PTPRN2: variants seen among roughly 807,000 people sequenced by gnomAD.
PTPRN2 encodes protein tyrosine phosphatase receptor type N2.
In PTPRN2, 74 loss-of-function variants were observed where a neutral mutation model predicts 118.8. The ratio of observed to expected loss-of-function variants is 0.62; its 90% CI spans 0.52 to 0.76. The LOEUF is 0.76. Ranked by LOEUF, PTPRN2 falls within the 30% of genes least tolerant of loss-of-function variation. PTPRN2 has a pLI of 0.00. For missense variants in PTPRN2, 1,481 were observed against 1,394.4 expected, an observed-to-expected ratio of 1.06 and a Z score of -0.99; for synonymous variants, 641 against 608.0, an observed-to-expected ratio of 1.05 and a Z score of -0.80.
At chr7:158,278,936 A>G (rs1165156325) in intron 3 of PTPRN2, among the ~76,000 whole-genome samples, 1 of 151,926 alleles carries the variant, frequency 6.6e-6, no homozygotes, top group East Asian at 1.9e-4. Context: ...GGAGTTGTTC[A>G]TTCCTCGTGG....
At chr7:158,233,658 C>T (rs1385884782) in intron 3 of PTPRN2, among the ~76,000 whole-genome samples, 1 of 152,042 alleles carries the variant, frequency 6.6e-6, no homozygotes, top group African/African-American at 2.4e-5. Flanking sequence ...ACCCCAAATA[C>T]CCAAAGCAAT....
chr7:158,146,729 A>AC, intron 6 of PTPRN2, among the ~76,000 whole-genome samples: 1 of 151,668 alleles, frequency 6.6e-6, no homozygotes, highest in South Asian at 2.1e-4. Flanking sequence ...TCAAAAAAAA[A>AC]AAAAAAGAAA....
intron 11 of PTPRN2, among the ~76,000 whole-genome samples, chr7:157,995,972 C>T (rs1012832856): frequency 5.3e-5 from 8 of 152,294 alleles, no homozygotes; most frequent in Non-Finnish European, 1.0e-4. Flanking sequence ...CTGTCTGTTG[C>T]GCACAATGGA....
Position 158,258,465 on chromosome 7 carries a change from C to T in PTPRN2, c.278-53192G>A, listed in dbSNP as rs1009034993. ...TCGCCGCGAGACGACCCTGTGAGTACGCACTCCATGTGCATGTGCTTCTCC... is the reference window on the plus strand; with the variant it reads ...TCGCCGCGAGACGACCCTGTGAGTATGCACTCCATGTGCATGTGCTTCTCC... On this transcript the variant is annotated intron_variant, in intron 3 of 22. Transcript: ENST00000389418. 1.6e-4 allele frequency among the ~76,000 whole-genome samples: 25 copies of T among 152,232 alleles called. 1 individual carries two copies. Among genetic ancestry groups the T allele is most frequent in the Non-Finnish European group, 2.9e-4 (20 of 68,040 alleles).
At chr7:158,413,992 T>C (rs908716112) in intron 2 of PTPRN2, among the ~76,000 whole-genome samples, 23 of 142,532 alleles carry the variant, frequency 1.6e-4, no homozygotes, top group African/African-American at 5.8e-4. Flanking sequence ...CACTTGAACC[T>C]GGGAGGCGGA....
chr7:158,478,806 A>T (rs1820451854), intron 2 of PTPRN2, among the ~76,000 whole-genome samples: 2 of 152,178 alleles, frequency 1.3e-5, no homozygotes, highest in Admixed American at 1.3e-4. Flanking sequence ...TGTGTGGCAG[A>T]CACGTTCATA....
intron 14 of PTPRN2, among the ~76,000 whole-genome samples, chr7:157,633,825 C>A (rs935265787): frequency 3.3e-5 from 5 of 152,208 alleles, no homozygotes; most frequent in African/African-American, 1.2e-4. Context: ...TGTTGGCCTG[C>A]AAGGACTCAG....
rs924976595 is a variant in PTPRN2, at chr7:157,611,828, C to T, written c.2345-7753G>A. 7.6e-5 allele frequency among the ~76,000 whole-genome samples: 11 copies of T among 144,908 alleles called. No homozygotes were observed. The highest frequency in any genetic ancestry group is 1.4e-4 in the Non-Finnish European group (9 of 65,874). On this transcript the variant is annotated intron_variant, in intron 15 of 22. Transcript: ENST00000389418. The surrounding 1 kb of genome is among the most constrained non-coding windows in gnomAD (Gnocchi z 5.9). ...GCGCCCGTGTGAAGACGAAGACAGC[C>T]GCAGTCATGCTGGGGACACGCGGAG...
At chr7:157,890,932 G>T (rs913814124) in intron 12 of PTPRN2, among the ~76,000 whole-genome samples, 4 of 152,190 alleles carry the variant, frequency 2.6e-5, no homozygotes, top group East Asian at 3.9e-4. Context: ...CGGTCCTGCT[G>T]CTGGGCACCG....
chr7:157,843,722 C>T (rs559606616), intron 12 of PTPRN2, among the ~76,000 whole-genome samples: 4 of 152,228 alleles, frequency 2.6e-5, no homozygotes, highest in Non-Finnish European at 5.9e-5. Flanking sequence ...GCGTGCCACA[C>T]AATATCATGA....
chr7:158,330,540 A>G (rs1266973129), intron 2 of PTPRN2, among the ~76,000 whole-genome samples: 9 of 48,082 alleles, frequency 1.9e-4, no homozygotes, highest in African/African-American at 4.1e-4. Context: ...AAGAGCTGAC[A>G]CCCGCAGACG....
In PTPRN2 at chr7:157,755,484, G is replaced by A. The variant is rs1801727391; in HGVS notation, c.1789-72547C>T. Among the ~76,000 whole-genome samples the A allele has an allele frequency of 3.9e-5, 6 of 152,122 alleles. 1 individual carries two copies. The South Asian group carries it at 8.3e-4, about 21-fold the overall frequency. ...TTCACGGGGGGGTTTGAGAAGTTGAGTCATCCTCATTTGATTATAAGAAAA... is the reference window on the plus strand; with the variant it reads ...TTCACGGGGGGGTTTGAGAAGTTGAATCATCCTCATTTGATTATAAGAAAA... On this transcript the variant is annotated intron_variant, in intron 12 of 22. Transcript: ENST00000389418.
chr7:158,089,572 G>C (rs1813831629), intron 10 of PTPRN2, among the ~76,000 whole-genome samples: 3 of 120,150 alleles, frequency 2.5e-5, no homozygotes, highest in South Asian at 2.8e-4. Context: ...TTCTTCCCCT[G>C]ATGAAAGAGG....
intron 21 of PTPRN2, among the ~76,000 whole-genome samples, chr7:157,555,802 A>G (rs1490407327): frequency 1.3e-5 from 2 of 152,218 alleles, no homozygotes; most frequent in Non-Finnish European, 2.9e-5. Flanking sequence ...ACTGAAGAAA[A>G]GCTTGGTCCT....
intron 2 of PTPRN2, among the ~76,000 whole-genome samples, chr7:158,481,441 C>T (rs1820632180): frequency 6.6e-6 from 1 of 152,146 alleles, no homozygotes; most frequent in Non-Finnish European, 1.5e-5. Flanking sequence ...GCCCAGGGAT[C>T]AAAAAATAAT....
intron 11 of PTPRN2, among the ~76,000 whole-genome samples, chr7:157,962,297 G>GTGAA (rs1801595296): frequency 6.6e-6 from 1 of 152,242 alleles, no homozygotes; most frequent in Non-Finnish European, 1.5e-5. Context: ...AGATCCGAAT[G>GTGAA]TGAATGGCCA....
intron 2 of PTPRN2, among the ~76,000 whole-genome samples, chr7:158,449,205 T>C (rs1179249127): frequency 1.3e-5 from 2 of 151,978 alleles, no homozygotes; most frequent in Non-Finnish European, 2.9e-5. Flanking sequence ...ATGCGTGGGG[T>C]AGGGATGGTG....
chr7:158,552,587 C>T (rs1013515920), intron 1 of PTPRN2, among the ~76,000 whole-genome samples: 3 of 152,144 alleles, frequency 2.0e-5, no homozygotes, highest in Admixed American at 6.5e-5. Context: ...GCTAGGATTA[C>T]AGGCACCCAC....
At chr7:158,178,326 T>C (rs1035177500) in intron 5 of PTPRN2, among the ~76,000 whole-genome samples, 1 of 152,262 alleles carries the variant, frequency 6.6e-6, no homozygotes, top group African/African-American at 2.4e-5. Context: ...ACCCAATATG[T>C]AGGTTTTTTT....
Sources: gnomAD v4.1 joint callset for allele counts (sites outside exome capture counted in the v4.1 genomes callset) on GRCh38, gnomAD v4.1.1 for gene constraint, Gnocchi (gnomAD v3.1) non-coding constraint, MANE v1.5 for transcripts, NCBI Gene and HGNC (gene_info 2026-07-23, HGNC 2026-07-21) for gene names.